The following ATG2B variants were observed in gnomAD, a reference collection of about 807,000 sequenced individuals.
ATG2B encodes the protein autophagy related 2B, also known as autophagy-related protein 2 homolog B.
In ATG2B, 121 loss-of-function variants were observed where a neutral mutation model predicts 241.3. The ratio of observed to expected loss-of-function variants is 0.50; its 90% CI spans 0.43 to 0.58. The LOEUF (loss-of-function observed/expected upper bound fraction) is 0.58, where lower values mean the gene tolerates loss of function less well. Ranked by LOEUF, ATG2B falls within the 20% of genes least tolerant of loss-of-function variation. The probability of loss-of-function intolerance (pLI) is 0.00; values close to 1 mark genes in which losing one functional copy is unlikely to be tolerated. For synonymous variants in ATG2B, 858 were observed against 876.6 expected (o/e 0.98, Z 0.37); for missense variants, 2,306 against 2,491.6 (o/e 0.93, Z 1.59).
chr14:96,287,431 C>CA (rs1286069643), intron 41 of ATG2B, among the ~76,000 whole-genome samples: 1 of 152,132 alleles, frequency 6.6e-6, no homozygotes, highest in Non-Finnish European at 1.5e-5. Flanking sequence ...CTCCCTATCC[C>CA]ACCTGCGATA....
chr14:96,339,568 T>C (rs527267259), intron 6 of ATG2B, among the ~76,000 whole-genome samples: 1 of 152,142 alleles, frequency 6.6e-6, no homozygotes, highest in South Asian at 2.1e-4. Context: ...TAATGTCTTT[T>C]GCAGCAACTT....
At chr14:96,342,725 A>C (rs945891300) in intron 5 of ATG2B, among the ~76,000 whole-genome samples, 1 of 151,774 alleles carries the variant, frequency 6.6e-6, no homozygotes, top group Admixed American at 6.6e-5. Flanking sequence ...TCCAAAAAAA[A>C]AAAAAAAACA....
At chr14:96,299,895 T>G (rs913761153) in intron 34 of ATG2B, among the ~76,000 whole-genome samples, 1 of 152,248 alleles carries the variant, frequency 6.6e-6, no homozygotes, top group Non-Finnish European at 1.5e-5. Flanking sequence ...CCAACTGATT[T>G]GTTTTCACAA....
chr14:96,360,303 C>G (rs1021089079), intron 1 of ATG2B, among the ~76,000 whole-genome samples: 6 of 152,198 alleles, frequency 3.9e-5, no homozygotes, highest in African/African-American at 1.2e-4. Flanking sequence ...CTTAATCTGT[C>G]TTTTCAAAAT....
At chr14:96,355,234 G>T (rs1293972873) in intron 1 of ATG2B, among the ~76,000 whole-genome samples, 1 of 152,144 alleles carries the variant, frequency 6.6e-6, no homozygotes, top group Non-Finnish European at 1.5e-5. Flanking sequence ...GAATGGTACT[G>T]CCTAGATTTT....
At chr14:96,288,677 T>C (rs1281943301) in intron 41 of ATG2B, among the ~76,000 whole-genome samples, 1 of 152,132 alleles carries the variant, frequency 6.6e-6, no homozygotes, top group African/African-American at 2.4e-5. Context: ...TGTTAGAATA[T>C]GACTGAGAAA....
intron 1 of ATG2B, among the ~76,000 whole-genome samples, chr14:96,351,245 A>T (rs1487055286): frequency 6.6e-6 from 1 of 152,210 alleles, no homozygotes; most frequent in African/African-American, 2.4e-5. Flanking sequence ...TGGATGCACT[A>T]ACAAATTAGG....
In ATG2B at chr14:96,315,468, A is replaced by C. The variant is rs1023584794; in HGVS notation, c.3477T>G (p.Ser1159=). ...SSEEDGLSKT[S]SDGVGGDSLN... is the part of the protein sequence containing the mutation. ...AACTGTCTCCTCCAACTCCATCTGA[A>C]GAAGTTTTACTGAGGCCATCTTCTT... Residue 1159 remains serine, a synonymous_variant, in exon 22 of 42, where the codon TCT becomes TCG. Coordinates refer to ENST00000359933, the MANE Select transcript of ATG2B (RefSeq NM_018036.7). 1.2e-6 allele frequency: 2 copies of C among 1,614,082 alleles called. No homozygotes were observed. The highest frequency in any genetic ancestry group is 1.7e-6 in the Non-Finnish European group (2 of 1,180,022).
chr14:96,328,199 A>G, intron 14 of ATG2B, 148 bp downstream of exon 14: 2 of 542,070 alleles, frequency 3.7e-6, no homozygotes, highest in Non-Finnish European at 6.1e-6. Context: ...CAAGACATAA[A>G]AGATGTCTCC....
At position 96,316,291 on chromosome 14, in the gene ATG2B, A is replaced by G. The variant is rs147096724; in HGVS notation, c.3361+242T>C. ...TTGCATAACTCTTGTGAAATACTAAAAACCACTGAAAGGTACACTTTAAAT... is the reference window on the plus strand; with the variant it reads ...TTGCATAACTCTTGTGAAATACTAAGAACCACTGAAAGGTACACTTTAAAT... On this transcript the variant is annotated intron_variant, in intron 21 of 41. Coordinates refer to ENST00000359933, the MANE Select transcript of ATG2B (RefSeq NM_018036.7). Among the ~76,000 whole-genome samples the G allele has an allele frequency of 9.7e-4, 148 of 152,324 alleles. 1 individual carries two copies. The highest frequency in any genetic ancestry group is 3.4e-3 in the African/African-American group (141 of 41,582).
At chr14:96,352,147 T>C (rs1165442552) in intron 1 of ATG2B, among the ~76,000 whole-genome samples, 1 of 152,116 alleles carries the variant, frequency 6.6e-6, no homozygotes, top group African/African-American at 2.4e-5. Flanking sequence ...AAAATTCCTA[T>C]CACCTTAGTG....
At chr14:96,344,579 T>C (rs1888123625) in intron 4 of ATG2B, 75 bp downstream of exon 4, 16 of 726,834 alleles carry the variant, frequency 2.2e-5, no homozygotes, top group Non-Finnish European at 3.6e-5. Flanking sequence ...TTAGCTCTAA[T>C]CTCCAAAACC....
rs779597887 is a variant in ATG2B, at chr14:96,325,686, T to C, written c.2400A>G (p.Glu800=). 1 of 1,613,744 alleles carries C rather than the reference T, an allele frequency of 6.2e-7. No individual in the cohort carries two copies. The highest frequency in any genetic ancestry group is 8.5e-7 in the Non-Finnish European group (1 of 1,179,878). ...TAAAGGTAAGTTCCAATTTAATTTGTTCTGGGGTTGATCCTCCTATAAATT... is the reference window on the plus strand; with the variant it reads ...TAAAGGTAAGTTCCAATTTAATTTGCTCTGGGGTTGATCCTCCTATAAATT... ...KTEFIGGSTP[E]QIKLELTFRE... Residue 800 remains glutamate, a synonymous_variant, in exon 15 of 42, where the codon GAA becomes GAG. Coordinates refer to ENST00000359933, the MANE Select transcript of ATG2B (RefSeq NM_018036.7).
chr14:96,298,226 C>T lies in ATG2B; in HGVS notation c.5140-2666G>A, dbSNP rs1427658242. Among the ~76,000 whole-genome samples, 3 of 152,156 alleles carry T rather than the reference C, an allele frequency of 2.0e-5. No individual in the cohort carries two copies. The East Asian group carries it at 5.8e-4, about 29-fold the overall frequency. On this transcript the variant is annotated intron_variant, in intron 34 of 41. Transcript: ENST00000359933. Reference sequence around the variant, plus strand: ...TTACCAGGGAAATCCAATTTAAAACCACAGTGTACACAAAGCATCCCAGCT... The same window carrying T: ...TTACCAGGGAAATCCAATTTAAAACTACAGTGTACACAAAGCATCCCAGCT...
At chr14:96,300,896 A>G (rs1321322758) in intron 34 of ATG2B, among the ~76,000 whole-genome samples, 1 of 152,206 alleles carries the variant, frequency 6.6e-6, no homozygotes, top group Non-Finnish European at 1.5e-5. Flanking sequence ...AATATTTGTT[A>G]CCAGCTTTTA....
intron 15 of ATG2B, among the ~76,000 whole-genome samples, chr14:96,325,187 T>C (rs977852757): frequency 3.3e-5 from 5 of 152,206 alleles, no homozygotes; most frequent in Non-Finnish European, 7.3e-5. Context: ...ATGATCTTGG[T>C]AGATACTTCC....
chr14:96,297,333 C>T (rs1469659289), intron 34 of ATG2B, among the ~76,000 whole-genome samples: 6 of 151,328 alleles, frequency 4.0e-5, no homozygotes, highest in African/African-American at 9.7e-5. Context: ...ATGGTTTCTA[C>T]TCATTTTTCA....
chr14:96,291,754 T>G (rs1886490446), intron 37 of ATG2B, 72 bp from the exon 38 acceptor site: 1 of 1,137,076 alleles, frequency 8.8e-7, no homozygotes, highest in East Asian at 2.4e-5. Context: ...TAATTGTTAT[T>G]TTGAAAGTCA....
chr14:96,286,267 C>T (rs917618246), intron 41 of ATG2B, among the ~76,000 whole-genome samples: 2 of 152,118 alleles, frequency 1.3e-5, no homozygotes, highest in South Asian at 2.1e-4. Context: ...GACAGAAATA[C>T]GGGCTTTGCT....
Sources: allele counts gnomAD v4.1 joint callset (sites outside exome capture counted in the v4.1 genomes callset), GRCh38; gene constraint gnomAD v4.1.1; transcripts MANE v1.5; gene names NCBI Gene and HGNC (gene_info 2026-07-23, HGNC 2026-07-21).